DAB1: variants seen among roughly 807,000 people sequenced by gnomAD.
DAB1 encodes the protein DAB adaptor protein 1.
DAB1 carries 15 observed loss-of-function variants against 64.6 expected under a neutral mutation model. That is an observed-to-expected ratio of 0.23 (90% confidence interval 0.16 to 0.36). The LOEUF (loss-of-function observed/expected upper bound fraction) is 0.36, where lower values mean the gene tolerates loss of function less well. Among genes scored for constraint, DAB1 ranks in the 10% least tolerant of loss-of-function variants. DAB1 has a pLI of 1.00. For synonymous variants in DAB1, 235 were observed against 251.9 expected, an observed-to-expected ratio of 0.93 and a Z score of 0.64; for missense variants, 596 against 706.7, an observed-to-expected ratio of 0.84 and a Z score of 1.78.
chr1:58,254,090 T>G (rs1660867236), intron 4 of DAB1, among the ~76,000 whole-genome samples: 1 of 152,278 alleles, frequency 6.6e-6, no homozygotes, highest in South Asian at 2.1e-4. Flanking sequence ...AGGACCACCC[T>G]GCACACATTC....
At position 57,523,102 on chromosome 1, in the gene DAB1, C is replaced by G. The variant is rs138283060; in HGVS notation, n.625+126490G>C. On this transcript the variant is annotated intron_variant and non_coding_transcript_variant, in intron 7 of 20. Transcript: ENST00000485760. ...CACCTTGTGATCATGTGAGCCAATT[C>G]TTCTTAATAAACTCCCTTTCATATA... Among the ~76,000 whole-genome samples, 775 of 152,254 alleles carry G rather than the reference C, an allele frequency of 5.1e-3. 5 individuals carry two copies. The highest frequency in any genetic ancestry group is 0.024 in the Middle Eastern group (7 of 294).
At chr1:57,777,139 TTC>T (rs1383469049) in intron 6 of DAB1, among the ~76,000 whole-genome samples, 1 of 139,322 alleles carries the variant, frequency 7.2e-6, no homozygotes, top group Non-Finnish European at 1.6e-5. Flanking sequence ...TTTTCTGAAT[TTC>T]TTTTTTTTTT....
At chr1:58,371,471 T>G (rs1381441288) in intron 3 of DAB1, among the ~76,000 whole-genome samples, 2 of 152,226 alleles carry the variant, frequency 1.3e-5, no homozygotes, top group East Asian at 1.9e-4. Context: ...CAGAAAAGTT[T>G]GGCAAATATG....
intron 7 of DAB1, among the ~76,000 whole-genome samples, chr1:57,540,032 T>C (rs1267385521): frequency 1.3e-5 from 2 of 152,180 alleles, no homozygotes; most frequent in Non-Finnish European, 2.9e-5. Flanking sequence ...CAAGAATAAG[T>C]GGAATGTACA....
intron 4 of DAB1, among the ~76,000 whole-genome samples, chr1:57,079,125 C>T (rs567698071): frequency 2.6e-5 from 4 of 152,250 alleles, no homozygotes; most frequent in Admixed American, 6.5e-5. Flanking sequence ...AAAATGTACA[C>T]ATATCCATAT....
intron 7 of DAB1, among the ~76,000 whole-genome samples, chr1:57,522,461 T>C (rs1472386299): frequency 6.6e-6 from 1 of 152,180 alleles, no homozygotes; most frequent in Non-Finnish European, 1.5e-5. Context: ...CTGTATTAGT[T>C]TGTTCTCACA....
intron 5 of DAB1, among the ~76,000 whole-genome samples, chr1:57,072,075 A>AC (rs1553137321): frequency 1.3e-5 from 2 of 151,782 alleles, no homozygotes; most frequent in East Asian, 1.9e-4. Context: ...AAAAAAAAAA[A>AC]AAAAAACAGA....
At chr1:58,375,013 T>A (rs912387120) in intron 3 of DAB1, among the ~76,000 whole-genome samples, 1 of 138,960 alleles carries the variant, frequency 7.2e-6, no homozygotes, top group Non-Finnish European at 1.6e-5. Flanking sequence ...ATGCTTGTGA[T>A]TTTTGTACAT....
At chr1:57,203,852 G>A (rs1182977533) in intron 2 of DAB1, among the ~76,000 whole-genome samples, 1 of 152,156 alleles carries the variant, frequency 6.6e-6, no homozygotes, top group Non-Finnish European at 1.5e-5. Flanking sequence ...CCTCTTTGAT[G>A]TGGCTCAACC....
At chr1:57,032,956 T>G (rs1647011375) in intron 9 of DAB1, among the ~76,000 whole-genome samples, 1 of 152,198 alleles carries the variant, frequency 6.6e-6, no homozygotes, top group Admixed American at 6.5e-5. Context: ...CTATATCATG[T>G]TATACTACAT....
At chr1:57,984,184 A>AAAAAGAAAGAAAGAAAGAAACAAAG in intron 5 of DAB1, among the ~76,000 whole-genome samples, 1 of 50,716 alleles carries the variant, frequency 2.0e-5, no homozygotes, top group South Asian at 7.2e-4. Context: ...TAGCTTAAAA[A>AAAAAGAAAGAAAGAAAGAAACAAAG]AAAGAAAGAA....
intron 6 of DAB1, among the ~76,000 whole-genome samples, chr1:57,651,676 T>A (rs12127257): frequency 6.6e-6 from 1 of 151,324 alleles, no homozygotes; most frequent in Non-Finnish European, 1.5e-5. Flanking sequence ...AAAAAAAAAA[T>A]GACAGAAAGC....
chr1:57,544,449 T>C (rs1558478540), intron 7 of DAB1, among the ~76,000 whole-genome samples: 1 of 152,248 alleles, frequency 6.6e-6, no homozygotes, highest in Non-Finnish European at 1.5e-5. Flanking sequence ...TGGGTTGTGT[T>C]GTCTAAGGCC....
intron 9 of DAB1, among the ~76,000 whole-genome samples, chr1:57,027,998 C>A (rs1336295916): frequency 2.0e-5 from 3 of 152,306 alleles, no homozygotes; most frequent in East Asian, 3.9e-4. Flanking sequence ...GTTATCCAAT[C>A]TGTAGATGCA....
intron 1 of DAB1, among the ~76,000 whole-genome samples, chr1:57,356,656 G>A (rs939764303): frequency 8.6e-5 from 13 of 151,950 alleles, no homozygotes; most frequent in African/African-American, 2.4e-4. Flanking sequence ...CATTCAGACA[G>A]AAAAAAGTCT....
At chr1:57,059,333 C>A (rs574972787) in intron 9 of DAB1, among the ~76,000 whole-genome samples, 3 of 152,122 alleles carry the variant, frequency 2.0e-5, no homozygotes, top group African/African-American at 7.2e-5. Flanking sequence ...CTCTGAAGAC[C>A]AGGCTCTGTG....
At chr1:57,481,254 C>T (rs1375170546) in intron 7 of DAB1, among the ~76,000 whole-genome samples, 1 of 152,136 alleles carries the variant, frequency 6.6e-6, no homozygotes, top group Non-Finnish European at 1.5e-5. Context: ...TAGGGAGCTA[C>T]CCACAACCTA....
intron 1 of DAB1, among the ~76,000 whole-genome samples, chr1:57,354,013 T>C (rs925591388): frequency 1.3e-5 from 2 of 152,162 alleles, no homozygotes; most frequent in African/African-American, 4.8e-5. Context: ...GGAATTCTCC[T>C]TCAAAACCTG....
intron 5 of DAB1, among the ~76,000 whole-genome samples, chr1:57,939,988 C>T (rs1645079570): frequency 1.3e-5 from 2 of 152,158 alleles, no homozygotes; most frequent in Admixed American, 1.3e-4. Flanking sequence ...TCTAACACAA[C>T]ACTATAAAGG....
Sources: gnomAD v4.1 joint callset for allele counts (sites outside exome capture counted in the v4.1 genomes callset) on GRCh38, gnomAD v4.1.1 for gene constraint, MANE v1.5 for transcripts, NCBI Gene and HGNC (gene_info 2026-07-23, HGNC 2026-07-21) for gene names.